Variants in ITGA2 observed in about 807,000 individuals in gnomAD.
ITGA2 encodes integrin subunit alpha 2.
Under a neutral mutation model 146.3 loss-of-function variants are expected in ITGA2, and 101 were observed. The ratio of observed to expected loss-of-function variants is 0.69; its 90% CI spans 0.59 to 0.81. The LOEUF is 0.81. Among genes scored for constraint, ITGA2 ranks in the 40% least tolerant of loss-of-function variants. The pLI is 0.00. For missense variants in ITGA2, 1,281 were observed against 1,402.7 expected (o/e 0.91, Z 1.39); for synonymous variants, 477 against 487.1 (o/e 0.98, Z 0.27).
Position 53,093,134 on chromosome 5 carries a change from T to C in ITGA2, c.*2535T>C, listed in dbSNP as rs1432235335. 6.6e-6 allele frequency: 1 copy of C among 152,178 alleles called. No homozygotes were observed. Among genetic ancestry groups the C allele is most frequent in the African/African-American group, 2.4e-5 (1 of 41,434 alleles). 9.4% of individuals were successfully genotyped at this position (152,178 alleles called of 1,614,324 possible). On this transcript the variant is annotated 3_prime_UTR_variant, in exon 30 of 30. Coordinates refer to ENST00000296585, the MANE Select transcript of ITGA2 (RefSeq NM_002203.4). ...AAACAAACAAAAAAAAAGTTAGTACTGTATATGTAAATACTAGCTTTTCAA... is the reference window on the plus strand; with the variant it reads ...AAACAAACAAAAAAAAAGTTAGTACCGTATATGTAAATACTAGCTTTTCAA...
Position 53,048,666 on chromosome 5 carries a change from G to C in ITGA2, c.526G>C (p.Val176Leu). Reference protein sequence around the residue: ...TQPCPSLIDVVVVCDESNSIY... With the variant: ...TQPCPSLIDVLVVCDESNSIY... ...AGCCTGCCCTTCCCTCATAGATGTT[G>C]TGGTTGTGTGTGATGAATCAAATAG... Residue 176 changes from valine to leucine, a missense_variant, in exon 6 of 30, where the codon GTG becomes CTG. Val to Leu is a conservative substitution (Grantham distance 32, BLOSUM62 1). Coordinates refer to ENST00000296585, the MANE Select transcript of ITGA2 (RefSeq NM_002203.4). The C allele has an allele frequency of 6.2e-7, 1 of 1,614,040 alleles. No individual in the cohort carries two copies. Among genetic ancestry groups the C allele is most frequent in the Non-Finnish European group, 8.5e-7 (1 of 1,179,970 alleles).
In ITGA2 at chr5:53,047,840, A is replaced by T. The variant is rs1310305388; in HGVS notation, c.388-523A>T. 2.6e-5 allele frequency among the ~76,000 whole-genome samples: 4 copies of T among 152,236 alleles called. No homozygotes were observed. In the East Asian group the frequency reaches 7.7e-4, roughly 29 times the overall value. On this transcript the variant is annotated intron_variant, in intron 4 of 29. Transcript: ENST00000296585. The stretch of plus-strand genomic sequence containing the variant: ...CTGCAGAAAACTAATGTTCAGCAAG[A>T]ACAATGATAATGATGCTAGCTAACA...
In ITGA2 at chr5:53,060,938, T is replaced by A. The variant is rs764283353; in HGVS notation, c.1350T>A (p.Thr450=). 3.1e-6 allele frequency: 5 copies of A among 1,612,386 alleles called. No homozygotes were observed. The highest frequency in any genetic ancestry group is 4.2e-6 in the Non-Finnish European group (5 of 1,178,934). Residue 450 remains threonine (T), a synonymous_variant, in exon 12 of 30, where the codon ACT becomes ACA. Coordinates refer to ENST00000296585, the MANE Select transcript of ITGA2 (RefSeq NM_002203.4). ...CTGCAATTTCTACTGGAGAAAGCAC[T>A]CACTTTGTTGCTGGTGCTCCTCGGG... ...SVAAISTGES[T]HFVAGAPRAN... is the part of the protein sequence containing the mutation.
intron 1 of ITGA2, among the ~76,000 whole-genome samples, chr5:53,014,361 G>A (rs866563309): frequency 2.0e-5 from 3 of 152,270 alleles, no homozygotes; most frequent in Admixed American, 6.5e-5. Context: ...AGATGATCAT[G>A]TGGTTTTTGT....
chr5:53,062,182 C>A (rs1326683200), intron 12 of ITGA2, among the ~76,000 whole-genome samples: 1 of 151,866 alleles, frequency 6.6e-6, no homozygotes, highest in Non-Finnish European at 1.5e-5. Context: ...TGTACACTTA[C>A]ATCATCATAT....
Position 53,042,122 on chromosome 5 carries a change from G to A in ITGA2, c.196G>A (p.Gly66Ser), listed in dbSNP as rs1221355118. 1 of 1,608,336 alleles carries A rather than the reference G, an allele frequency of 6.2e-7. No homozygotes were observed. The highest frequency in any genetic ancestry group is 8.5e-7 in the Non-Finnish European group (1 of 1,174,768). The change falls in exon 3 of 30, where the codon GGT (glycine) becomes AGT (serine). Residue 66 changes from glycine to serine, a missense_variant. Physicochemically the swap from Gly to Ser is moderately conservative, Grantham distance 56. This residue lies in a region of ITGA2 where 795 missense variants were observed against 841.7 expected (regional missense o/e 0.94). Coordinates refer to ENST00000296585, the MANE Select transcript of ITGA2 (RefSeq NM_002203.4). ...AAAATGTGTTTCTAGGTTACTGGTT[G>A]GTTCACCCTGGAGTGGCTTTCCTGA... ...INPKGNWLLV[G>S]SPWSGFPENR...
chr5:53,008,171 AGATCAAG>A (rs1741950086), intron 1 of ITGA2, among the ~76,000 whole-genome samples: 1 of 151,834 alleles, frequency 6.6e-6, no homozygotes, highest in South Asian at 2.1e-4. Flanking sequence ...TAAAAGTTCA[AGATCAAG>A]GCTCTCTCAG....
In ITGA2 at chr5:53,090,816, C is replaced by T. The variant is rs1314181195; in HGVS notation, c.*217C>T. On this transcript the variant is annotated 3_prime_UTR_variant, in exon 30 of 30. Transcript: ENST00000296585. ...AGGTAGGGAAATAATAGGGAAAATA[C>T]CTATTTTATATGATGGGGGAAAAAA... 1.6e-6 allele frequency: 1 copy of T among 609,296 alleles called. No individual in the cohort carries two copies. The highest frequency in any genetic ancestry group is 2.9e-6 in the Non-Finnish European group (1 of 341,790). 37.7% of individuals were successfully genotyped at this position (609,296 alleles called of 1,614,324 possible). A position where few individuals can be genotyped will look rare whatever the true frequency, so the allele number is the denominator to read the frequency against.
intron 1 of ITGA2, among the ~76,000 whole-genome samples, chr5:53,006,805 G>T (rs1741880264): frequency 6.6e-6 from 1 of 152,046 alleles, no homozygotes; most frequent in Non-Finnish European, 1.5e-5. Flanking sequence ...ACATGCAAAA[G>T]GTTAAGGTCA....
chr5:53,070,273 G>T lies in ITGA2; in HGVS notation c.2235+13G>T. The T allele has an allele frequency of 6.2e-7, 1 of 1,611,078 alleles. No homozygotes were observed. The highest frequency in any genetic ancestry group is 1.1e-5 in the South Asian group (1 of 90,976). ...CATTTATATACAGGTAAGGCCTCAG[G>T]AACATCCCTTTTGACTTTATTTCTT... On this transcript the variant is annotated intron_variant, in intron 17 of 29. Coordinates refer to ENST00000296585, the MANE Select transcript of ITGA2 (RefSeq NM_002203.4).
chr5:53,059,826 T>A, intron 10 of ITGA2, 48 bp from the exon 11 acceptor site: 1 of 1,587,150 alleles, frequency 6.3e-7, no homozygotes, highest in South Asian at 1.1e-5. Flanking sequence ...CATTCTTATG[T>A]TTTAAAGGTG....
chr5:53,087,347 C>G (rs1746208250), intron 28 of ITGA2, among the ~76,000 whole-genome samples: 1 of 152,130 alleles, frequency 6.6e-6, no homozygotes, highest in Non-Finnish European at 1.5e-5. Flanking sequence ...CATGGTGTCT[C>G]TTCTCATGAC....
chr5:53,019,421 C>T (rs1742559290), intron 1 of ITGA2, among the ~76,000 whole-genome samples: 1 of 152,096 alleles, frequency 6.6e-6, no homozygotes, highest in Non-Finnish European at 1.5e-5. Flanking sequence ...GTGAATCGTC[C>T]CTTTGTCCAG....
chr5:53,022,805 A>C (rs1056593676), intron 1 of ITGA2, among the ~76,000 whole-genome samples: 1 of 152,216 alleles, frequency 6.6e-6, no homozygotes, highest in African/African-American at 2.4e-5. Flanking sequence ...GATTCAAGCT[A>C]TCCTCCTGCC....
intron 10 of ITGA2, among the ~76,000 whole-genome samples, chr5:53,059,050 C>G (rs1043967093): frequency 1.3e-5 from 2 of 151,858 alleles, no homozygotes; most frequent in African/African-American, 4.8e-5. Context: ...TTTTTCATGG[C>G]TTGTATTTTT....
chr5:53,055,848 A>G, intron 8 of ITGA2, 136 bp from the exon 9 acceptor site: 3 of 1,242,578 alleles, frequency 2.4e-6, no homozygotes, highest in Middle Eastern at 2.5e-4. Context: ...AATCCTGTCT[A>G]CTAAATAAAG....
intron 7 of ITGA2, among the ~76,000 whole-genome samples, chr5:53,052,341 T>A (rs1744412073): frequency 6.6e-6 from 1 of 152,084 alleles, no homozygotes; most frequent in Admixed American, 6.6e-5. Flanking sequence ...AGTGAGAACA[T>A]GCAGTGTTTG....
At chr5:53,035,659 A>G (rs1743453990) in intron 2 of ITGA2, among the ~76,000 whole-genome samples, 1 of 152,174 alleles carries the variant, frequency 6.6e-6, no homozygotes, top group South Asian at 2.1e-4. Context: ...CTTCCCAGAG[A>G]CGGGCAGCCT....
intron 3 of ITGA2, among the ~76,000 whole-genome samples, chr5:53,043,837 G>A (rs1016827453): frequency 2.0e-5 from 3 of 152,100 alleles, no homozygotes; most frequent in African/African-American, 4.8e-5. Flanking sequence ...AAAGGAAGGA[G>A]AGAAAAATTA....
Sources: gnomAD v4.1 joint callset for allele counts (sites outside exome capture counted in the v4.1 genomes callset) on GRCh38, gnomAD v4.1.1 for gene constraint, gnomAD v4.1.1 regional missense constraint, MANE v1.5 for transcripts, NCBI Gene and HGNC (gene_info 2026-07-23, HGNC 2026-07-21) for gene names.